Variants in GFOD1 observed in about 807,000 individuals in gnomAD.
GFOD1 encodes the protein glucose-fructose oxidoreductase domain-containing protein 1.
Under a neutral mutation model 25.4 loss-of-function variants are expected in GFOD1, and 9 were observed. The ratio of observed to expected loss-of-function variants is 0.35; its 90% confidence interval spans 0.21 to 0.62. The LOEUF is 0.62. Ranked by LOEUF, GFOD1 falls within the 20% of genes least tolerant of loss-of-function variation. The pLI is 0.72. For missense variants in GFOD1, 403 were observed against 556.9 expected (o/e 0.72, Z 2.78); for synonymous variants, 253 against 245.6 (o/e 1.03, Z -0.28).
intron 1 of GFOD1, among the ~76,000 whole-genome samples, chr6:13,444,156 C>T (rs1165586668): frequency 6.6e-6 from 1 of 152,176 alleles, no homozygotes; most frequent in African/African-American, 2.4e-5. Flanking sequence ...GGTACATAAA[C>T]ACCATGGAAT....
chr6:13,385,200 C>T (rs1005856808), intron 1 of GFOD1, among the ~76,000 whole-genome samples: 3 of 152,094 alleles, frequency 2.0e-5, no homozygotes, highest in Non-Finnish European at 2.9e-5. Context: ...GGTGTGTGTC[C>T]GGTGTGAGGT....
chr6:13,370,379 T>C (rs1164465311), intron 1 of GFOD1, among the ~76,000 whole-genome samples: 1 of 152,226 alleles, frequency 6.6e-6, no homozygotes, highest in Non-Finnish European at 1.5e-5. Context: ...TCATCATACA[T>C]TCACAATAAA....
intron 1 of GFOD1, among the ~76,000 whole-genome samples, chr6:13,436,301 A>C (rs193258333): frequency 1.3e-5 from 2 of 152,256 alleles, no homozygotes; most frequent in African/African-American, 2.4e-5. Context: ...CAAGTCTAAC[A>C]CTACAGTAGG....
chr6:13,405,966 T>G (rs1020325183), intron 1 of GFOD1, among the ~76,000 whole-genome samples: 1 of 152,142 alleles, frequency 6.6e-6, no homozygotes, highest in East Asian at 1.9e-4. Flanking sequence ...CCTGGGGACA[T>G]TGGCAAGGAT....
In GFOD1 at chr6:13,381,913, GCGCACACACACA is replaced by G. The variant is rs1353209555; in HGVS notation, c.254-16263_254-16252del. On this transcript the variant is annotated intron_variant, in intron 1 of 1. Transcript: ENST00000379287. ...AGAGAAATAAAACACACACGCGCGC[GCGCACACACACA>G]CACACACACACACACACACACACAC... is the stretch of plus-strand genomic sequence containing the variant. Among the ~76,000 whole-genome samples the G allele has an allele frequency of 2.4e-3, 249 of 104,582 alleles. 1 individual carries two copies. The highest frequency in any genetic ancestry group is 7.2e-3 in the African/African-American group (235 of 32,530). 68.6% of individuals were successfully genotyped at this position (104,582 alleles called of 152,430 possible). A position where few individuals can be genotyped will look rare whatever the true frequency, so the allele number is the denominator to read the frequency against.
rs9474026 is a variant in GFOD1, at chr6:13,364,428, C to A, written c.*315G>T. 1 of 333,214 alleles carries A rather than the reference C, an allele frequency of 3.0e-6. No individual in the cohort carries two copies. Among genetic ancestry groups the A allele is most frequent in the Non-Finnish European group, 5.6e-6 (1 of 179,460 alleles). 20.6% of individuals were successfully genotyped at this position (333,214 alleles called of 1,614,324 possible). Reference sequence around the variant, plus strand: ...TGGATGAGGTAGGGAGGGAAGCAACCCCTCCTTGCTTGTCACAGTAAAGGG... The same window carrying A: ...TGGATGAGGTAGGGAGGGAAGCAACACCTCCTTGCTTGTCACAGTAAAGGG... On this transcript the variant is annotated 3_prime_UTR_variant, in exon 2 of 2. Coordinates refer to ENST00000379287, the MANE Select transcript of GFOD1 (RefSeq NM_018988.4). This position sits in a 1 kb window ranked among gnomAD's most constrained non-coding sequence, Gnocchi z 4.1.
At chr6:13,386,363 A>G (rs537111809) in intron 1 of GFOD1, among the ~76,000 whole-genome samples, 2 of 152,216 alleles carry the variant, frequency 1.3e-5, no homozygotes, top group African/African-American at 4.8e-5. Flanking sequence ...TGCACTAGAT[A>G]CACACCGCGT....
intron 1 of GFOD1, among the ~76,000 whole-genome samples, chr6:13,445,427 C>G (rs2127572821): frequency 6.6e-6 from 1 of 152,300 alleles, no homozygotes; most frequent in South Asian, 2.1e-4. Flanking sequence ...GACCAAGATC[C>G]AATCCCACCG....
chr6:13,374,271 TTTTG>T (rs1276140200), intron 1 of GFOD1, among the ~76,000 whole-genome samples: 21 of 134,472 alleles, frequency 1.6e-4, no homozygotes, highest in African/African-American at 5.0e-4. Context: ...TATGTTTTTT[TTTTG>T]TGTGTGTGTG....
At chr6:13,447,011 C>T (rs1758013805) in intron 1 of GFOD1, among the ~76,000 whole-genome samples, 1 of 152,222 alleles carries the variant, frequency 6.6e-6, no homozygotes, top group Non-Finnish European at 1.5e-5. Flanking sequence ...TATCTGATCT[C>T]CTAGATGTTA....
intron 1 of GFOD1, among the ~76,000 whole-genome samples, chr6:13,412,758 T>C (rs1786100627): frequency 6.6e-6 from 1 of 152,238 alleles, no homozygotes; most frequent in African/African-American, 2.4e-5. Context: ...CAACTCAGCA[T>C]GCCCTGTGCT....
At chr6:13,380,545 T>G (rs1190319513) in intron 1 of GFOD1, among the ~76,000 whole-genome samples, 2 of 152,122 alleles carry the variant, frequency 1.3e-5, no homozygotes, top group Non-Finnish European at 2.9e-5. Flanking sequence ...ATTTATGACA[T>G]ACACACACCC....
rs1210231376 is a variant in GFOD1, at chr6:13,365,861, A to T, written c.254-199T>A. On this transcript the variant is annotated intron_variant, in intron 1 of 1. Coordinates refer to ENST00000379287, the MANE Select transcript of GFOD1 (RefSeq NM_018988.4). The surrounding 1 kb of genome is among the most constrained non-coding windows in gnomAD (Gnocchi z 9.2). ...GGAGTTGGAGGCCAGCCTGGGTAACACAGAGAGATCCTGTCTCAATAATAA... is the reference window on the plus strand; with the variant it reads ...GGAGTTGGAGGCCAGCCTGGGTAACTCAGAGAGATCCTGTCTCAATAATAA... Among the ~76,000 whole-genome samples the T allele has an allele frequency of 6.7e-6, 1 of 149,238 alleles. No individual in the cohort carries two copies. Among genetic ancestry groups the T allele is most frequent in the African/African-American group, 2.5e-5 (1 of 40,806 alleles).
chr6:13,417,185 G>T (rs902988601), intron 1 of GFOD1, among the ~76,000 whole-genome samples: 2 of 152,142 alleles, frequency 1.3e-5, no homozygotes, highest in Non-Finnish European at 2.9e-5. Flanking sequence ...TCGGAGTCTC[G>T]CTCTGTCACC....
At position 13,456,262 on chromosome 6, in the gene GFOD1, C is replaced by T. The variant is rs374786452; in HGVS notation, c.253+30376G>A. 7.4e-4 allele frequency among the ~76,000 whole-genome samples: 112 copies of T among 152,280 alleles called. 1 individual carries two copies. Among genetic ancestry groups the T allele is most frequent in the African/African-American group, 2.5e-3 (102 of 41,564 alleles). On this transcript the variant is annotated intron_variant, in intron 1 of 1. Transcript: ENST00000379287. ...TGATCTTGGCTTACTGCAGTGTCCA[C>T]CTCCTGGGCTCAAGTGATCTTCCCA...
chr6:13,465,352 A>G (rs1758361781), intron 1 of GFOD1, among the ~76,000 whole-genome samples: 1 of 152,230 alleles, frequency 6.6e-6, no homozygotes, highest in African/African-American at 2.4e-5. Flanking sequence ...TCTAAAGCTT[A>G]GATTCTAAAT....
intron 1 of GFOD1, among the ~76,000 whole-genome samples, chr6:13,451,929 G>T (rs1758105559): frequency 6.6e-6 from 1 of 152,178 alleles, no homozygotes; most frequent in Admixed American, 6.5e-5. Flanking sequence ...ATGGGGATTT[G>T]GATTGGATTT....
At chr6:13,469,606 G>T in intron 1 of GFOD1, 1 of 1,097,704 alleles carries the variant, frequency 9.1e-7, no homozygotes. Context: ...CTTGTTCTTA[G>T]CCATGTACAC....
intron 1 of GFOD1, among the ~76,000 whole-genome samples, chr6:13,415,536 A>G (rs1016722693): frequency 7.2e-5 from 11 of 152,110 alleles, no homozygotes; most frequent in Non-Finnish European, 7.4e-5. Context: ...CAGATTTCAG[A>G]AGCCTTCCTA....
Sources: allele counts gnomAD v4.1 joint callset (sites outside exome capture counted in the v4.1 genomes callset), GRCh38; gene constraint gnomAD v4.1.1; non-coding constraint Gnocchi (gnomAD v3.1); transcripts MANE v1.5; gene names NCBI Gene and HGNC (gene_info 2026-07-23, HGNC 2026-07-21).